Variants in GCN1 observed in about 807,000 individuals in gnomAD.
GCN1 encodes stalled ribosome sensor GCN1.
In GCN1, 90 loss-of-function variants were observed where a neutral mutation model predicts 288.4. The observed-to-expected ratio is 0.31, with a 90% confidence interval of 0.26 to 0.37. The LOEUF (loss-of-function observed/expected upper bound fraction) is 0.37. Among genes scored for constraint, GCN1 ranks in the 10% least tolerant of loss-of-function variants. The pLI, the probability that GCN1 is intolerant of heterozygous loss-of-function variation, is 1.00. For missense variants in GCN1, 2,586 were observed against 3,419.9 expected, an observed-to-expected ratio of 0.76 and a Z score of 6.08; for synonymous variants, 1,386 against 1,420.2, an observed-to-expected ratio of 0.98 and a Z score of 0.54.
rs755958412 is a variant in GCN1, at chr12:120,170,294, A to G, written c.1394T>C (p.Leu465Ser). 4 of 1,614,156 alleles carry G rather than the reference A, an allele frequency of 2.5e-6. No individual in the cohort carries two copies. The South Asian group carries it at 4.4e-5, about 18-fold the overall frequency. ...RGDTLLQALD[L>S]LPLLIQTVEK... is the part of the protein sequence containing the mutation. ...CACTGTCTGGATGAGCAAGGGCAGT[A>G]AGTCCAGGGCCTGCAACAGCGTGTC... The change falls in exon 15 of 58, where the codon TTA becomes TCA. Residue 465 changes from leucine (L) to serine (S), a missense_variant. This residue lies in a region of GCN1 where 913 missense variants were observed against 1,107.0 expected (regional missense o/e 0.82). Coordinates refer to ENST00000300648, the MANE Select transcript of GCN1 (RefSeq NM_006836.2).
chr12:120,138,442 G>T (rs1338539763), intron 46 of GCN1, 27 bp from the exon 47 acceptor site: 4 of 1,405,888 alleles, frequency 2.8e-6, no homozygotes, highest in Non-Finnish European at 4.0e-6. Context: ...GGACAACCCT[G>T]AGGAATCTGC....
chr12:120,138,935 G>A, intron 45 of GCN1, 79 bp from the exon 46 acceptor site: 3 of 1,310,428 alleles, frequency 2.3e-6, no homozygotes, highest in Non-Finnish European at 3.2e-6. Flanking sequence ...CACAGGCAGG[G>A]GACTCTGACC....
At position 120,153,222 on chromosome 12, in the gene GCN1, G is replaced by C. The variant is rs371817946; in HGVS notation, c.4053C>G (p.Pro1351=). Residue 1351 remains proline (P), a synonymous_variant, in exon 33 of 58, where the codon CCC becomes CCG. Transcript: ENST00000300648. This position sits in a 1 kb window ranked among gnomAD's most constrained non-coding sequence, Gnocchi z 4.4. ...GCCAGATGGCAGGTACCTGCTGGGA[G>C]GGGGTGGAGAGGGCAGCGATGAGCT... The part of the protein sequence containing the change: ...VAKLIAALST[P]SQQVQESVAS... 2.5e-6 allele frequency: 4 copies of C among 1,613,766 alleles called. No individual in the cohort carries two copies. The highest frequency in any genetic ancestry group is 2.5e-6 in the Non-Finnish European group (3 of 1,179,704).
intron 24 of GCN1, among the ~76,000 whole-genome samples, chr12:120,159,573 G>A (rs546738504): frequency 1.1e-4 from 17 of 152,302 alleles, no homozygotes; most frequent in African/African-American, 4.1e-4. Context: ...GGTATACAAA[G>A]ATCGAACACT....
chr12:120,145,234 C>T, intron 39 of GCN1, 28 bp downstream of exon 39: 1 of 1,573,680 alleles, frequency 6.4e-7, no homozygotes, highest in South Asian at 1.2e-5. Context: ...AGGGGCCTGG[C>T]CCATCCCCCA....
At chr12:120,185,970 C>T (rs750786191) in intron 2 of GCN1, among the ~76,000 whole-genome samples, 3 of 152,116 alleles carry the variant, frequency 2.0e-5, no homozygotes, top group Non-Finnish European at 2.9e-5. Flanking sequence ...AACAGATACA[C>T]CCTAACTCTG....
chr12:120,150,336 C>T (rs1161665473), intron 34 of GCN1, among the ~76,000 whole-genome samples: 2 of 152,096 alleles, frequency 1.3e-5, no homozygotes, highest in Non-Finnish European at 2.9e-5. Context: ...GTGGCTCACA[C>T]CCATAATCCC....
chr12:120,183,236 A>C (rs1878721703), intron 5 of GCN1, among the ~76,000 whole-genome samples: 1 of 152,234 alleles, frequency 6.6e-6, no homozygotes, highest in African/African-American at 2.4e-5. Context: ...GATATTTTCT[A>C]GTCTACTTGA....
At chr12:120,160,974 C>T (rs1000348726) in intron 22 of GCN1, among the ~76,000 whole-genome samples, 16 of 152,154 alleles carry the variant, frequency 1.1e-4, no homozygotes, top group African/African-American at 3.6e-4. Flanking sequence ...CTGAGAAGCA[C>T]ACATGTGGAC....
intron 24 of GCN1, 61 bp downstream of exon 24, chr12:120,159,764 C>A (rs1203867831): frequency 6.9e-7 from 1 of 1,443,834 alleles, no homozygotes; most frequent in Non-Finnish European, 9.7e-7. Context: ...AGGGGCACAC[C>A]CTGTCCAAGC....
chr12:120,190,304 C>A lies in GCN1; in HGVS notation c.115G>T (p.Gly39Ter). The change falls in exon 2 of 58, where the codon GGA (glycine) becomes TGA (stop). Residue 39 changes from glycine to a stop codon, truncating the protein, a stop_gained. Coordinates refer to ENST00000300648, the MANE Select transcript of GCN1 (RefSeq NM_006836.2). LOFTEE classifies it high-confidence loss of function. Reference protein sequence around the residue: ...ILSELGKCVAGKDLPEGAVKG... With the variant: ...ILSELGKCVA ...GTGGATGAAAAATAAATACCTTTTC[C>A]AGCAACACACTTCCCAAGTTCACTG... is the stretch of plus-strand genomic sequence containing the variant. 1 of 1,510,468 alleles carries A rather than the reference C, an allele frequency of 6.6e-7. No homozygotes were observed. Among genetic ancestry groups the A allele is most frequent in the Non-Finnish European group, 9.2e-7 (1 of 1,085,942 alleles). 93.6% of individuals were successfully genotyped at this position (1,510,468 alleles called of 1,614,324 possible).
chr12:120,162,202 G>A (rs1416380983), intron 20 of GCN1, 144 bp from the exon 21 acceptor site: 15 of 663,010 alleles, frequency 2.3e-5, no homozygotes, highest in African/African-American at 3.6e-5. Context: ...CACAGTGGCC[G>A]GCTGGAGTCT....
intron 18 of GCN1, 103 bp from the exon 19 acceptor site, chr12:120,163,362 C>T: frequency 1.1e-6 from 1 of 874,996 alleles, no homozygotes; most frequent in Non-Finnish European, 1.8e-6. Flanking sequence ...CTCAGTTCTT[C>T]CCTGGGGTCC....
intron 2 of GCN1, among the ~76,000 whole-genome samples, chr12:120,186,159 T>C (rs1045734478): frequency 2.0e-5 from 3 of 151,842 alleles, no homozygotes; most frequent in African/African-American, 7.3e-5. Context: ...GCCAACACGG[T>C]GAAACCCCGT....
At position 120,127,953 on chromosome 12, in the gene GCN1, C is replaced by T; in HGVS notation, c.7912G>A (p.Val2638Met). 3.1e-6 allele frequency: 5 copies of T among 1,614,146 alleles called. No homozygotes were observed. Among genetic ancestry groups the T allele is most frequent in the Non-Finnish European group, 4.2e-6 (5 of 1,179,970 alleles). Residue 2638 changes from valine (V) to methionine (M), a missense_variant, in exon 58 of 58, where the codon GTG becomes ATG. Physicochemically the swap from Val to Met is conservative, Grantham distance 21. Coordinates refer to ENST00000300648, the MANE Select transcript of GCN1 (RefSeq NM_006836.2). ...VFQSLSKILDVASLEVLNEVN... is the reference protein window; with the variant it reads ...VFQSLSKILDMASLEVLNEVN... ...TCGTTCAGCACCTCCAAACTGGCCA[C>T]ATCCAGGATCTTGGAGAGGGACTGT...
chr12:120,137,612 C>T lies in GCN1; in HGVS notation c.6596G>A (p.Arg2199His), dbSNP rs201241127. Reference sequence around the variant, plus strand: ...CACAGGGCTGGAGTCATTGAAGAGGCGGATCAGGCCCGAGACCAGGCTCCG... The same window carrying T: ...CACAGGGCTGGAGTCATTGAAGAGGTGGATCAGGCCCGAGACCAGGCTCCG... ...HLRSLVSGLI[R>H]LFNDSSPVVL... is the part of the protein sequence containing the mutation. Residue 2199 changes from arginine (R) to histidine (H), a missense_variant, in exon 49 of 58, where the codon CGC (arginine) becomes CAC (histidine). By Grantham distance (29) the Arg-to-His change is conservative. Around this residue, in one of 8 missense-constraint regions of GCN1, gnomAD observed 437 missense variants for 570.5 expected, o/e 0.77. Coordinates refer to ENST00000300648, the MANE Select transcript of GCN1 (RefSeq NM_006836.2). The surrounding 1 kb of genome is among the most constrained non-coding windows in gnomAD (Gnocchi z 5.2). 285 of 1,614,180 alleles carry T rather than the reference C, an allele frequency of 1.8e-4. 3 individuals are homozygous for T. The Admixed American group carries it at 3.0e-3, about 17-fold the overall frequency.
At chr12:120,181,866 G>C (rs12578300) in intron 5 of GCN1, among the ~76,000 whole-genome samples, 21,093 of 144,974 alleles carry the variant, frequency 0.15, 1,851 homozygotes, top group East Asian at 0.45. Context: ...AAAAAAGTAG[G>C]CTGGGCACAA....
At chr12:120,145,150 CTCTT>C in intron 39 of GCN1, 89 bp from the exon 40 acceptor site, 2 of 1,569,654 alleles carry the variant, frequency 1.3e-6, no homozygotes, top group South Asian at 1.1e-5. Flanking sequence ...CACCGAGGGC[CTCTT>C]TCTCTTTACC....
chr12:120,163,192 G>C lies in GCN1; in HGVS notation c.1916C>G (p.Pro639Arg), dbSNP rs1877987213. 1 of 1,614,002 alleles carries C rather than the reference G, an allele frequency of 6.2e-7. No individual in the cohort carries two copies. The highest frequency in any genetic ancestry group is 1.3e-5 in the African/African-American group (1 of 74,946). The change falls in exon 19 of 58, where the codon CCT becomes CGT. Residue 639 changes from proline (P) to arginine (R), a missense_variant. Pro to Arg is a moderately radical substitution (Grantham distance 103). Transcript: ENST00000300648. ...EVTEAGKAYV[P>R]PRVLQEALCV... ...CAGAGCCTCCTGCAGGACCCGTGGA[G>C]GCACGTAGGCCTTGCCTGCCTCAGT...
Sources: gnomAD v4.1 joint callset for allele counts (sites outside exome capture counted in the v4.1 genomes callset) on GRCh38, gnomAD v4.1.1 for gene constraint, gnomAD v4.1.1 regional missense constraint, Gnocchi (gnomAD v3.1) non-coding constraint, MANE v1.5 for transcripts, NCBI Gene and HGNC (gene_info 2026-07-23, HGNC 2026-07-21) for gene names.